KCNK2: variants seen among roughly 807,000 people sequenced by gnomAD.
KCNK2 encodes potassium channel subfamily K member 2.
KCNK2 carries 21 observed loss-of-function variants against 40.5 expected under a neutral mutation model. The observed-to-expected ratio is 0.52, with a 90% CI of 0.37 to 0.75. The LOEUF (loss-of-function observed/expected upper bound fraction) is 0.75, where lower values mean the gene tolerates loss of function less well. Among genes scored for constraint, KCNK2 ranks in the 30% least tolerant of loss-of-function variants. The pLI is 0.00. For missense variants in KCNK2, 399 were observed against 531.6 expected, an observed-to-expected ratio of 0.75 and a Z score of 2.45; for synonymous variants, 191 against 202.2, an observed-to-expected ratio of 0.94 and a Z score of 0.47.
rs148239583 is a variant in KCNK2, at chr1:215,053,223, C to T, written c.35-33145C>T. On this transcript the variant is annotated intron_variant, in intron 1 of 6. Transcript: ENST00000391895. ...CAAGTCCATGGAAAGACATGAAAAC[C>T]AAACTCTCAGAAGGGAATGCTACAT... Among the ~76,000 whole-genome samples the T allele has an allele frequency of 5.5e-4, 83 of 152,122 alleles. 2 individuals carry two copies. Among genetic ancestry groups the T allele is most frequent in the African/African-American group, 1.9e-3 (77 of 41,502 alleles).
intron 1 of KCNK2, among the ~76,000 whole-genome samples, chr1:215,021,904 G>C (rs1656810603): frequency 6.6e-6 from 1 of 151,990 alleles, no homozygotes; most frequent in African/African-American, 2.4e-5. Flanking sequence ...AGACCTTTGG[G>C]TTCTGATATT....
chr1:215,087,280 G>A (rs763241816), intron 2 of KCNK2, among the ~76,000 whole-genome samples: 125 of 152,314 alleles, frequency 8.2e-4, no homozygotes, highest in Non-Finnish European at 1.2e-3. Flanking sequence ...CTGCAGATAA[G>A]TGATTAATTA....
At chr1:215,174,491 T>C (rs1663864547) in intron 5 of KCNK2, among the ~76,000 whole-genome samples, 1 of 152,198 alleles carries the variant, frequency 6.6e-6, no homozygotes, top group East Asian at 1.9e-4. Context: ...AAAGTAGTTT[T>C]TTCCAATTCT....
At chr1:215,136,900 A>G (rs976483302) in intron 3 of KCNK2, among the ~76,000 whole-genome samples, 4 of 152,208 alleles carry the variant, frequency 2.6e-5, no homozygotes, top group Non-Finnish European at 5.9e-5. Context: ...TTCAATATCC[A>G]AAGTCATTTA....
At chr1:215,006,704 T>C (rs1656139007) in intron 1 of KCNK2, among the ~76,000 whole-genome samples, 1 of 152,028 alleles carries the variant, frequency 6.6e-6, no homozygotes, top group African/African-American at 2.4e-5. Context: ...TAAATAAATA[T>C]TTTTTGAATG....
At chr1:215,010,220 C>T (rs562491134) in intron 1 of KCNK2, among the ~76,000 whole-genome samples, 6 of 152,122 alleles carry the variant, frequency 3.9e-5, no homozygotes, top group Non-Finnish European at 5.9e-5. Flanking sequence ...AGATATTTTT[C>T]GCAAGTTAAC....
In KCNK2 at chr1:215,048,142, T is replaced by A. The variant is rs960953001; in HGVS notation, c.35-38226T>A. ...GGCTTAAGAAAACAGTCTTTATTTTTCCCATACTTGAATGAACACATAGCT... is the reference window on the plus strand; with the variant it reads ...GGCTTAAGAAAACAGTCTTTATTTTACCCATACTTGAATGAACACATAGCT... On this transcript the variant is annotated intron_variant, in intron 1 of 6. Coordinates refer to the KCNK2 transcript ENST00000391895. 5.3e-5 allele frequency among the ~76,000 whole-genome samples: 8 copies of A among 152,314 alleles called. No individual in the cohort carries two copies. In the East Asian group the frequency reaches 1.5e-3, roughly 29 times the overall value.
At chr1:215,121,761 A>T (rs757915191) in intron 2 of KCNK2, among the ~76,000 whole-genome samples, 1 of 152,240 alleles carries the variant, frequency 6.6e-6, no homozygotes, top group Non-Finnish European at 1.5e-5. Context: ...ATATTAAAAG[A>T]GATTTATAAA....
intron 2 of KCNK2, among the ~76,000 whole-genome samples, chr1:215,091,195 A>T (rs555798053): frequency 1.2e-4 from 18 of 152,302 alleles, no homozygotes; most frequent in African/African-American, 4.1e-4. Flanking sequence ...GGTGCCTCAT[A>T]GTGCTCTAGG....
rs371415726 is a variant in KCNK2, at chr1:215,166,034, C to T, written c.476-3165C>T. ...GATGTGTGATTGCCTTATTGTAAAC[C>T]GTGGAATTTTTGTTAGATAATCGAT... is the stretch of plus-strand genomic sequence containing the variant. On this transcript the variant is annotated intron_variant, in intron 3 of 6. Coordinates refer to ENST00000444842, the MANE Select transcript of KCNK2 (RefSeq NM_001017425.3). Among the ~76,000 whole-genome samples the T allele has an allele frequency of 6.6e-4, 101 of 152,100 alleles. No individual in the cohort carries two copies. The South Asian group carries it at 0.017, about 26-fold the overall frequency.
At chr1:215,110,240 G>T (rs923223638) in intron 2 of KCNK2, among the ~76,000 whole-genome samples, 8 of 151,906 alleles carry the variant, frequency 5.3e-5, no homozygotes, top group African/African-American at 1.9e-4. Context: ...GTCTATTTTT[G>T]TTTTTGTTGC....
intron 3 of KCNK2, among the ~76,000 whole-genome samples, chr1:215,135,472 G>A (rs911217200): frequency 6.6e-6 from 1 of 151,470 alleles, no homozygotes; most frequent in African/African-American, 2.4e-5. Context: ...ATTAGTGTAA[G>A]CCAATATTAT....
At chr1:215,219,710 C>T (rs1377121856) in intron 6 of KCNK2, among the ~76,000 whole-genome samples, 1 of 152,070 alleles carries the variant, frequency 6.6e-6, no homozygotes, top group Non-Finnish European at 1.5e-5. Flanking sequence ...TTATGTTTAT[C>T]CCTTTCATCA....
chr1:215,067,968 T>C (rs1470442218), intron 1 of KCNK2, among the ~76,000 whole-genome samples: 1 of 152,192 alleles, frequency 6.6e-6, no homozygotes, highest in Non-Finnish European at 1.5e-5. Flanking sequence ...GCCCATGTAA[T>C]TTATTTCAAT....
chr1:215,213,480 G>C (rs367892747), intron 6 of KCNK2, among the ~76,000 whole-genome samples: 2 of 152,012 alleles, frequency 1.3e-5, no homozygotes, highest in Non-Finnish European at 2.9e-5. Flanking sequence ...GCACGATGGC[G>C]CATGCCTGTA....
At chr1:215,169,792 C>A (rs1359731248) in intron 4 of KCNK2, among the ~76,000 whole-genome samples, 2 of 151,858 alleles carry the variant, frequency 1.3e-5, no homozygotes, top group Admixed American at 1.3e-4. Context: ...ATTATAGGCA[C>A]CCGCCACCAT....
chr1:215,036,571 G>A (rs185893735), intron 1 of KCNK2, among the ~76,000 whole-genome samples: 2 of 151,638 alleles, frequency 1.3e-5, no homozygotes, highest in Admixed American at 6.6e-5. Flanking sequence ...TCTTTAGTGT[G>A]CCTGTTTAGA....
intron 3 of KCNK2, among the ~76,000 whole-genome samples, chr1:215,149,964 T>C (rs1662612161): frequency 2.0e-5 from 3 of 152,184 alleles, no homozygotes; most frequent in Non-Finnish European, 2.9e-5. Flanking sequence ...ATTTAGGTAT[T>C]GTTTAGATAT....
chr1:215,136,315 T>TCGAC (rs1436288914), intron 3 of KCNK2, among the ~76,000 whole-genome samples: 1 of 151,794 alleles, frequency 6.6e-6, no homozygotes, highest in Non-Finnish European at 1.5e-5. Context: ...CAGGCTTGTC[T>TCGAC]CGAACTCCTG....
Sources: allele counts gnomAD v4.1 joint callset (sites outside exome capture counted in the v4.1 genomes callset), GRCh38; gene constraint gnomAD v4.1.1; transcripts MANE v1.5; gene names NCBI Gene and HGNC (gene_info 2026-07-23, HGNC 2026-07-21).